The following DCC variants were observed in gnomAD, a reference collection of about 807,000 sequenced individuals.
DCC encodes netrin receptor DCC.
A neutral mutation model predicts 172.5 loss-of-function variants in DCC; 58 were observed. The observed-to-expected ratio is 0.34, with a 90% CI of 0.27 to 0.42. DCC has a LOEUF of 0.42. Among genes scored for constraint, DCC ranks in the 10% least tolerant of loss-of-function variants. The pLI is 1.00. For missense variants in DCC, 1,740 were observed against 1,791.0 expected (o/e 0.97, Z 0.51); for synonymous variants, 709 against 644.5 (o/e 1.10, Z -1.52).
chr18:52,439,292 A>T (rs569486027), intron 1 of DCC, among the ~76,000 whole-genome samples: 22 of 151,914 alleles, frequency 1.4e-4, no homozygotes, highest in Middle Eastern at 3.4e-3. Flanking sequence ...GAGAGTACAC[A>T]TCAATAAGAA....
chr18:52,913,874 T>G (rs898022277), intron 3 of DCC, among the ~76,000 whole-genome samples: 1 of 152,022 alleles, frequency 6.6e-6, no homozygotes, highest in African/African-American at 2.4e-5. Context: ...AAAAAAATAG[T>G]GAAAAGACCT....
chr18:53,256,506 A>G (rs913318188), intron 12 of DCC, among the ~76,000 whole-genome samples: 6 of 152,132 alleles, frequency 3.9e-5, no homozygotes, highest in African/African-American at 1.2e-4. Flanking sequence ...CAGGTTTGTC[A>G]AAGATCAGAT....
At chr18:53,442,036 C>A (rs1444826661) in intron 22 of DCC, among the ~76,000 whole-genome samples, 1 of 152,204 alleles carries the variant, frequency 6.6e-6, no homozygotes, top group Non-Finnish European at 1.5e-5. Flanking sequence ...ATGCTTCAGC[C>A]TGTTGCTTTC....
intron 1 of DCC, among the ~76,000 whole-genome samples, chr18:52,581,104 A>G (rs549938416): frequency 2.0e-5 from 3 of 152,148 alleles, no homozygotes; most frequent in Non-Finnish European, 1.5e-5. Context: ...TTACATACAG[A>G]TTTAGATATA....
chr18:52,754,626 G>T (rs531777216), intron 2 of DCC, among the ~76,000 whole-genome samples: 2 of 152,318 alleles, frequency 1.3e-5, no homozygotes, highest in East Asian at 3.9e-4. Flanking sequence ...AATGTCTGTT[G>T]TTTACAGCCT....
At chr18:53,125,977 G>A (rs997181689) in intron 7 of DCC, among the ~76,000 whole-genome samples, 3 of 152,122 alleles carry the variant, frequency 2.0e-5, no homozygotes, top group Admixed American at 1.3e-4. Context: ...GTTATTGAGT[G>A]TATACAAGGA....
At chr18:52,395,996 C>T (rs1598782425) in intron 1 of DCC, among the ~76,000 whole-genome samples, 1 of 151,888 alleles carries the variant, frequency 6.6e-6, no homozygotes, top group East Asian at 1.9e-4. Context: ...AGCCTCAGGC[C>T]ACCCTCCCTG....
intron 1 of DCC, among the ~76,000 whole-genome samples, chr18:52,594,198 G>T (rs2033861503): frequency 6.6e-6 from 1 of 152,164 alleles, no homozygotes; most frequent in African/African-American, 2.4e-5. Flanking sequence ...AGAAACTTGT[G>T]CCTTCTGGGT....
chr18:52,866,405 G>GT (rs1471202122), intron 2 of DCC, among the ~76,000 whole-genome samples: 1 of 152,106 alleles, frequency 6.6e-6, no homozygotes, highest in Non-Finnish European at 1.5e-5. Flanking sequence ...GAAATATAAA[G>GT]TTTTTTTCTA....
At chr18:52,829,308 G>C (rs1890927455) in intron 2 of DCC, among the ~76,000 whole-genome samples, 1 of 152,194 alleles carries the variant, frequency 6.6e-6, no homozygotes, top group African/African-American at 2.4e-5. Context: ...CTTACAGTAG[G>C]ATCCGTATGC....
intron 16 of DCC, 29 bp downstream of exon 16, chr18:53,386,167 C>A (rs371828466): frequency 5.8e-6 from 8 of 1,381,028 alleles, no homozygotes; most frequent in African/African-American, 2.8e-5. Context: ...CTTCCTCTGA[C>A]AAAGTATATT....
chr18:52,885,488 A>T (rs2039555910), intron 2 of DCC, among the ~76,000 whole-genome samples: 1 of 152,022 alleles, frequency 6.6e-6, no homozygotes, highest in African/African-American at 2.4e-5. Flanking sequence ...TATTCACTTA[A>T]AGCCCAAAGG....
chr18:53,075,433 T>G (rs2042711590), intron 7 of DCC, among the ~76,000 whole-genome samples: 1 of 152,150 alleles, frequency 6.6e-6, no homozygotes, highest in South Asian at 2.1e-4. Context: ...GTAATATGAA[T>G]GTACTGAGAC....
chr18:52,794,594 T>G (rs539489872), intron 2 of DCC, among the ~76,000 whole-genome samples: 8 of 152,206 alleles, frequency 5.3e-5, no homozygotes, highest in Admixed American at 2.6e-4. Flanking sequence ...GAGGGATGAT[T>G]GTTCTTTCTT....
At chr18:52,577,080 T>C (rs2033432404) in intron 1 of DCC, among the ~76,000 whole-genome samples, 1 of 152,210 alleles carries the variant, frequency 6.6e-6, no homozygotes, top group Non-Finnish European at 1.5e-5. Context: ...TCTTCTAGCA[T>C]GAATCAAGAT....
intron 1 of DCC, among the ~76,000 whole-genome samples, chr18:52,491,110 C>A (rs1160083001): frequency 6.6e-6 from 1 of 151,966 alleles, no homozygotes; most frequent in East Asian, 1.9e-4. Context: ...GTTTTCAGAC[C>A]TAGAATGTTC....
At chr18:52,989,019 G>A (rs2041339284) in intron 5 of DCC, among the ~76,000 whole-genome samples, 1 of 151,752 alleles carries the variant, frequency 6.6e-6, no homozygotes, top group Non-Finnish European at 1.5e-5. Flanking sequence ...ATACATAACA[G>A]AGAACATCCC....
At chr18:52,872,814 C>T (rs914835013) in intron 2 of DCC, among the ~76,000 whole-genome samples, 2 of 152,106 alleles carry the variant, frequency 1.3e-5, no homozygotes, top group African/African-American at 4.8e-5. Flanking sequence ...AAAGAGAGGG[C>T]TTTGATCACT....
chr18:52,410,631 A>C (rs1598796084), intron 1 of DCC, among the ~76,000 whole-genome samples: 1 of 152,138 alleles, frequency 6.6e-6, no homozygotes, highest in African/African-American at 2.4e-5. Flanking sequence ...AGGGATGAAC[A>C]GCTGTGAAGA....
Sources: allele counts gnomAD v4.1 joint callset (sites outside exome capture counted in the v4.1 genomes callset), GRCh38; gene constraint gnomAD v4.1.1; transcripts MANE v1.5; gene names NCBI Gene and HGNC (gene_info 2026-07-23, HGNC 2026-07-21).